The following CELF2 variants were observed in gnomAD, a reference collection of about 807,000 sequenced individuals.
CELF2 encodes the protein CUGBP Elav-like family member 2, also known as CUG triplet repeat RNA-binding protein 2.
Under a neutral mutation model 62.6 loss-of-function variants are expected in CELF2, and 8 were observed. The ratio of observed to expected loss-of-function variants is 0.13; its 90% CI spans 0.07 to 0.23. The LOEUF (loss-of-function observed/expected upper bound fraction) is 0.23, where lower values mean the gene tolerates loss of function less well. Ranked by LOEUF, CELF2 falls within the 10% of genes least tolerant of loss-of-function variation. The pLI is 1.00. For synonymous variants in CELF2, 258 were observed against 250.0 expected (o/e 1.03, Z -0.30); for missense variants, 333 against 671.0 (o/e 0.50, Z 5.56).
chr10:11,126,642 A>G (rs2058747311), intron 1 of CELF2, among the ~76,000 whole-genome samples: 2 of 152,216 alleles, frequency 1.3e-5, no homozygotes, highest in South Asian at 4.1e-4. Flanking sequence ...CAGTGCTGTC[A>G]ATATACAAAA....
In CELF2 at chr10:10,856,112, G is replaced by A. The variant is rs541098986; in HGVS notation, c.53+57295G>A. Among the ~76,000 whole-genome samples, 51 of 152,288 alleles carry A rather than the reference G, an allele frequency of 3.3e-4. No individual in the cohort carries two copies. The South Asian group carries it at 4.8e-3, about 14-fold the overall frequency. On this transcript the variant is annotated intron_variant, in intron 1 of 13. Coordinates refer to the CELF2 transcript ENST00000636488. Reference sequence around the variant, plus strand: ...GAAATGCAAGACTGAGTGAGCCAGAGCTTCTACTCCCTTGGAAGGAGAAAA... The same window carrying A: ...GAAATGCAAGACTGAGTGAGCCAGAACTTCTACTCCCTTGGAAGGAGAAAA...
intron 2 of CELF2, among the ~76,000 whole-genome samples, chr10:10,921,460 G>A (rs1487433742): frequency 6.7e-6 from 1 of 150,030 alleles, no homozygotes; most frequent in East Asian, 2.0e-4. Flanking sequence ...GTAGAGATGG[G>A]GTTTCACCAT....
the CELF2 span, among the ~76,000 whole-genome samples, chr10:10,576,909 C>T: frequency 2.0e-5 from 3 of 152,186 alleles, no homozygotes; most frequent in African/African-American, 7.2e-5. Context: ...GAGAGATTTG[C>T]TTTCATTTAG....
intron 1 of CELF2, among the ~76,000 whole-genome samples, chr10:10,822,717 A>C (rs562810646): frequency 1.5e-3 from 230 of 152,272 alleles, no homozygotes; most frequent in African/African-American, 5.4e-3. Flanking sequence ...CATATGTCAG[A>C]AAGAGAGAGA....
At chr10:10,950,708 C>A (rs1592311889) in intron 2 of CELF2, among the ~76,000 whole-genome samples, 1 of 152,212 alleles carries the variant, frequency 6.6e-6, no homozygotes, top group Non-Finnish European at 1.5e-5. Context: ...CATAGCATTG[C>A]AACTTTCCTG....
the CELF2 span, among the ~76,000 whole-genome samples, chr10:10,575,451 A>T: frequency 1.3e-5 from 2 of 152,210 alleles, no homozygotes; most frequent in Non-Finnish European, 2.9e-5. Context: ...AGAAATGTTC[A>T]TTTGCAAAAT....
the CELF2 span, among the ~76,000 whole-genome samples, chr10:10,621,051 G>A: frequency 7.8e-4 from 117 of 149,342 alleles, no homozygotes; most frequent in African/African-American, 1.3e-3. Context: ...GTGAAACCCC[G>A]TCTCCACTAA....
chr10:10,887,369 T>G (rs1347321175), intron 1 of CELF2, among the ~76,000 whole-genome samples: 2 of 152,158 alleles, frequency 1.3e-5, no homozygotes, highest in Non-Finnish European at 2.9e-5. Context: ...CGAAGAAAAA[T>G]GTGGCTGCTG....
chr10:11,310,197 G>A (rs562217491), intron 9 of CELF2, among the ~76,000 whole-genome samples: 1 of 152,320 alleles, frequency 6.6e-6, no homozygotes, highest in South Asian at 2.1e-4. Context: ...CTGCCACAGA[G>A]TTGGCAGGGG....
chr10:10,494,262 T>C, the CELF2 span, among the ~76,000 whole-genome samples: 2 of 152,226 alleles, frequency 1.3e-5, no homozygotes, highest in Non-Finnish European at 2.9e-5. Context: ...TCAAGATCAA[T>C]GGAGCAGGGT....
chr10:10,935,346 G>A (rs906476050), intron 2 of CELF2: 12 of 152,176 alleles, frequency 7.9e-5, no homozygotes, highest in Admixed American at 5.9e-4. Flanking sequence ...CAAGATTCAC[G>A]AGACATTGTA....
At chr10:10,736,677 A>G in the CELF2 span, among the ~76,000 whole-genome samples, 1 of 152,076 alleles carries the variant, frequency 6.6e-6, no homozygotes, top group Non-Finnish European at 1.5e-5. Context: ...AGAGGAAAAT[A>G]AAGAAAAAAA....
Position 11,177,491 on chromosome 10 carries a change from G to A in CELF2, c.271+11809G>A, listed in dbSNP as rs2071647369. On this transcript the variant is annotated intron_variant, in intron 2 of 12. Transcript: ENST00000633077. This position sits in a 1 kb window ranked among gnomAD's most constrained non-coding sequence, Gnocchi z 4.8. ...GAACCAAAATGTTGGCATGAATTAA[G>A]AAAAATCAGTGAAGAAATGTTGCTT... 4.6e-5 allele frequency among the ~76,000 whole-genome samples: 7 copies of A among 151,814 alleles called. No homozygotes were observed. The highest frequency in any genetic ancestry group is 4.6e-4 in the Admixed American group (7 of 15,252).
chr10:10,478,115 A>C, the CELF2 span, among the ~76,000 whole-genome samples: 1 of 152,172 alleles, frequency 6.6e-6, no homozygotes, highest in Non-Finnish European at 1.5e-5. Flanking sequence ...AAAGTTAGCC[A>C]TCAGATTTGC....
intron 8 of CELF2, among the ~76,000 whole-genome samples, chr10:11,279,126 G>A (rs1048782402): frequency 6.6e-6 from 1 of 152,112 alleles, no homozygotes; most frequent in African/African-American, 2.4e-5. Flanking sequence ...TTTTTTTCTA[G>A]GATAAAGAAT....
the CELF2 span, among the ~76,000 whole-genome samples, chr10:10,685,237 A>G: frequency 6.6e-6 from 1 of 152,178 alleles, no homozygotes; most frequent in South Asian, 2.1e-4. Context: ...CTAGACTGTC[A>G]TCTGCTTTTT....
chr10:10,674,476 G>C, the CELF2 span, among the ~76,000 whole-genome samples: 10 of 152,156 alleles, frequency 6.6e-5, no homozygotes, highest in African/African-American at 2.2e-4. Context: ...CACTATAACA[G>C]TCTGTGTTTT....
At chr10:10,979,441 C>T (rs1032130016) in intron 2 of CELF2, among the ~76,000 whole-genome samples, 9 of 152,102 alleles carry the variant, frequency 5.9e-5, no homozygotes, top group African/African-American at 1.9e-4. Flanking sequence ...GAGGCCTAGG[C>T]CGGTGGATGG....
chr10:10,476,364 G>A, the CELF2 span, among the ~76,000 whole-genome samples: 2 of 152,098 alleles, frequency 1.3e-5, no homozygotes, highest in African/African-American at 4.8e-5. Flanking sequence ...GAGGCAAAGG[G>A]CTACTTGAAT....
Sources: allele counts gnomAD v4.1 joint callset (sites outside exome capture counted in the v4.1 genomes callset), GRCh38; gene constraint gnomAD v4.1.1; non-coding constraint Gnocchi (gnomAD v3.1); transcripts MANE v1.5; gene names NCBI Gene and HGNC (gene_info 2026-07-23, HGNC 2026-07-21).